The following ASIC2 variants were observed in gnomAD, a reference collection of about 807,000 sequenced individuals.
ASIC2 encodes the protein acid-sensing ion channel 2.
In ASIC2, 25 loss-of-function variants were observed where a neutral mutation model predicts 57.3. That is an observed-to-expected ratio of 0.44 (90% confidence interval 0.32 to 0.61). The LOEUF (loss-of-function observed/expected upper bound fraction) is 0.61, where lower values mean the gene tolerates loss of function less well. ASIC2 is among the 20% of genes least tolerant of loss of function. The pLI, the probability that ASIC2 is intolerant of heterozygous loss-of-function variation, is 0.06. For missense variants in ASIC2, 641 were observed against 738.1 expected, an observed-to-expected ratio of 0.87 and a Z score of 1.52; for synonymous variants, 319 against 307.5, an observed-to-expected ratio of 1.04 and a Z score of -0.39.
intron 1 of ASIC2, among the ~76,000 whole-genome samples, chr17:33,410,355 G>T (rs1597718535): frequency 6.6e-6 from 1 of 152,170 alleles, no homozygotes; most frequent in African/African-American, 2.4e-5. Context: ...GGTACTAAGG[G>T]TTTAGAAACG....
intron 1 of ASIC2, among the ~76,000 whole-genome samples, chr17:33,904,765 C>G (rs1915312171): frequency 6.6e-6 from 1 of 152,168 alleles, no homozygotes; most frequent in African/African-American, 2.4e-5. Flanking sequence ...GCTACACCAC[C>G]CTTTTAGGCT....
chr17:33,710,978 G>T (rs1227519662), intron 1 of ASIC2, among the ~76,000 whole-genome samples: 3 of 133,032 alleles, frequency 2.3e-5, no homozygotes, highest in Non-Finnish European at 4.7e-5. Context: ...ACAGGGTCTT[G>T]CTCTGTTATC....
chr17:33,022,760 C>T (rs530866217), intron 6 of ASIC2, among the ~76,000 whole-genome samples: 1 of 152,268 alleles, frequency 6.6e-6, no homozygotes, highest in African/African-American at 2.4e-5. Context: ...GTTTCCTGCC[C>T]TCAGGGGCTT....
chr17:33,829,858 C>T lies in ASIC2; in HGVS notation c.555+326120G>A, dbSNP rs1913051984. Reference sequence around the variant, plus strand: ...GATTACAGGCGTGAGCCACCGCGCCCACCCTATGTTAAACATTTTTACTCA... The same window carrying T: ...GATTACAGGCGTGAGCCACCGCGCCTACCCTATGTTAAACATTTTTACTCA... On this transcript the variant is annotated intron_variant, in intron 1 of 9. Transcript: ENST00000359872. Among the ~76,000 whole-genome samples, 3 of 152,216 alleles carry T rather than the reference C, an allele frequency of 2.0e-5. No homozygotes were observed. In the South Asian group the frequency reaches 6.2e-4, roughly 32 times the overall value.
chr17:33,756,689 A>C (rs915332102), intron 1 of ASIC2, among the ~76,000 whole-genome samples: 1 of 152,042 alleles, frequency 6.6e-6, no homozygotes, highest in Non-Finnish European at 1.5e-5. Flanking sequence ...GTTACTAAAC[A>C]CTTAGAGAAC....
chr17:33,339,248 G>T (rs1217624365), intron 1 of ASIC2, among the ~76,000 whole-genome samples: 1 of 152,172 alleles, frequency 6.6e-6, no homozygotes, highest in Non-Finnish European at 1.5e-5. Context: ...GCAAAGCCCT[G>T]CAAGATCTTG....
At chr17:33,662,716 T>C (rs1295787404) in intron 1 of ASIC2, among the ~76,000 whole-genome samples, 1 of 125,666 alleles carries the variant, frequency 8.0e-6, no homozygotes. Flanking sequence ...TAGTACTGTT[T>C]CCTCCCTCCC....
chr17:33,705,186 G>A (rs2142072155), intron 1 of ASIC2, among the ~76,000 whole-genome samples: 1 of 152,098 alleles, frequency 6.6e-6, no homozygotes, highest in East Asian at 1.9e-4. Context: ...AGTAATGTAT[G>A]TTCATTATTC....
intron 1 of ASIC2, among the ~76,000 whole-genome samples, chr17:33,784,467 C>G (rs1911547838): frequency 6.6e-6 from 1 of 152,118 alleles, no homozygotes; most frequent in African/African-American, 2.4e-5. Flanking sequence ...ACCTCCTAGG[C>G]AATGCTGTTC....
At chr17:33,560,562 G>T (rs1033624367) in intron 1 of ASIC2, among the ~76,000 whole-genome samples, 1 of 152,194 alleles carries the variant, frequency 6.6e-6, no homozygotes, top group African/African-American at 2.4e-5. Flanking sequence ...AGGAAAGCGA[G>T]GTGTGGGTCT....
intron 1 of ASIC2, among the ~76,000 whole-genome samples, chr17:34,014,013 G>A (rs1906860836): frequency 6.6e-6 from 1 of 152,134 alleles, no homozygotes; most frequent in African/African-American, 2.4e-5. Flanking sequence ...CACCCCAGAG[G>A]GGAGAGTCAA....
rs934498867 is a variant in ASIC2 at position 33,383,894 on chromosome 17, A to C, written c.556-271827T>G. ...AACTAACTGCACAGGGAGGGATTGG[A>C]AGGGGGTGGCGTGACTTAGCAGAAG... On this transcript the variant is annotated intron_variant, in intron 1 of 9. Coordinates refer to the ASIC2 transcript ENST00000359872. Among the ~76,000 whole-genome samples the C allele has an allele frequency of 2.0e-5, 3 of 152,300 alleles. No individual in the cohort carries two copies. In the South Asian group the frequency reaches 6.2e-4, roughly 32 times the overall value.
chr17:33,804,461 G>A (rs1256767772), intron 1 of ASIC2, among the ~76,000 whole-genome samples: 2 of 152,196 alleles, frequency 1.3e-5, no homozygotes, highest in African/African-American at 4.8e-5. Context: ...AAAGTACCCA[G>A]TATATCGATG....
chr17:33,738,402 T>A (rs1167938810), intron 1 of ASIC2, among the ~76,000 whole-genome samples: 1 of 152,206 alleles, frequency 6.6e-6, no homozygotes, highest in African/African-American at 2.4e-5. Context: ...CACCTGCATT[T>A]TCTGGTCTGC....
intron 1 of ASIC2, among the ~76,000 whole-genome samples, chr17:33,391,008 G>A (rs1211032234): frequency 6.6e-6 from 1 of 152,190 alleles, no homozygotes; most frequent in African/African-American, 2.4e-5. Flanking sequence ...TGGAGCAGCT[G>A]GCAGACAGAG....
intron 1 of ASIC2, among the ~76,000 whole-genome samples, chr17:33,498,745 C>T (rs79120148): frequency 6.6e-6 from 1 of 152,158 alleles, no homozygotes; most frequent in South Asian, 2.1e-4. Context: ...GTGGAAAGTG[C>T]TGCAATGAAT....
chr17:33,079,680 A>T lies in ASIC2; in HGVS notation c.987+9183T>A, dbSNP rs1040420538. Among the ~76,000 whole-genome samples the T allele has an allele frequency of 7.2e-5, 11 of 152,314 alleles. No homozygotes were observed. The East Asian group carries it at 1.9e-3, about 27-fold the overall frequency. On this transcript the variant is annotated intron_variant, in intron 3 of 9. Coordinates refer to ENST00000225823, the MANE Select transcript of ASIC2 (RefSeq NM_183377.2). ...TTGTTCTTATCTGGGTGAAAAAAAC[A>T]TAAGGAACTGAACTAAAGTAGTGTC... is the stretch of plus-strand genomic sequence containing the variant.
At chr17:33,699,289 G>A (rs1047924316) in intron 1 of ASIC2, among the ~76,000 whole-genome samples, 4 of 152,162 alleles carry the variant, frequency 2.6e-5, no homozygotes, top group African/African-American at 7.2e-5. Context: ...CATCCTTAGC[G>A]TGGAGCTTCT....
intron 1 of ASIC2, among the ~76,000 whole-genome samples, chr17:33,351,737 T>C (rs546275947): frequency 6.6e-6 from 1 of 152,318 alleles, no homozygotes; most frequent in East Asian, 1.9e-4. Context: ...ATTAAAGCCT[T>C]GGGAAGACCA....
Sources: gnomAD v4.1 joint callset for allele counts (sites outside exome capture counted in the v4.1 genomes callset) on GRCh38, gnomAD v4.1.1 for gene constraint, MANE v1.5 for transcripts, NCBI Gene and HGNC (gene_info 2026-07-23, HGNC 2026-07-21) for gene names.